Variants in BCL2L13 observed in about 807,000 individuals in gnomAD.
The protein encoded by BCL2L13 is bcl-2-like protein 13.
A neutral mutation model predicts 25.8 loss-of-function variants in BCL2L13; 13 were observed. The observed-to-expected ratio is 0.50, with a 90% CI of 0.33 to 0.80. BCL2L13 has a LOEUF of 0.80. BCL2L13 is among the 30% of genes least tolerant of loss of function. BCL2L13 has a pLI of 0.02. For missense variants in BCL2L13, 504 were observed against 574.9 expected, an observed-to-expected ratio of 0.88 and a Z score of 1.26; for synonymous variants, 244 against 230.3, an observed-to-expected ratio of 1.06 and a Z score of -0.54.
intron 2 of BCL2L13, among the ~76,000 whole-genome samples, chr22:17,670,491 C>G (rs2059382610): frequency 6.6e-6 from 1 of 151,838 alleles, no homozygotes; most frequent in South Asian, 2.1e-4. Context: ...TCTCCTGCCT[C>G]AGCCTCCCAA....
intron 2 of BCL2L13, among the ~76,000 whole-genome samples, chr22:17,662,470 T>C (rs2059104421): frequency 6.6e-6 from 1 of 151,812 alleles, no homozygotes. Context: ...AGAGTGAGAC[T>C]CCATCTCAAA....
intron 6 of BCL2L13, among the ~76,000 whole-genome samples, chr22:17,717,413 G>A (rs1042439842): frequency 7.2e-6 from 1 of 139,538 alleles, no homozygotes; most frequent in African/African-American, 2.8e-5. Context: ...TCCCTCTTCC[G>A]TGAATCTCTC....
intron 1 of BCL2L13, among the ~76,000 whole-genome samples, chr22:17,641,798 GTT>G (rs35688861): frequency 0.018 from 2,416 of 133,684 alleles, 70 homozygotes; most frequent in African/African-American, 0.062. Context: ...CATAATATGT[GTT>G]TTTTTTTTTT....
intron 1 of BCL2L13, among the ~76,000 whole-genome samples, chr22:17,645,446 T>G (rs1204808492): frequency 6.6e-6 from 1 of 150,960 alleles, no homozygotes; most frequent in Non-Finnish European, 1.5e-5. Flanking sequence ...GGTCTCTAAC[T>G]CCTGGCCTCA....
intron 1 of BCL2L13, among the ~76,000 whole-genome samples, 182 bp downstream of exon 1, chr22:17,639,068 T>A (rs1289671443): frequency 6.6e-6 from 1 of 151,864 alleles, no homozygotes; most frequent in Non-Finnish European, 1.5e-5. Flanking sequence ...AGCTTAGGGG[T>A]CCGCTTCACC....
intron 2 of BCL2L13, among the ~76,000 whole-genome samples, chr22:17,669,034 T>C (rs1350343880): frequency 6.4e-5 from 9 of 141,416 alleles, no homozygotes; most frequent in East Asian, 6.3e-4. Flanking sequence ...TTCTTTCTTT[T>C]TTTTTTTTTT....
Position 17,651,354 on chromosome 22 carries a change from C to T in BCL2L13, c.-50-4308C>T, listed in dbSNP as rs1238141949. Among the ~76,000 whole-genome samples the T allele has an allele frequency of 2.8e-5, 4 of 144,872 alleles. No individual in the cohort carries two copies. In the East Asian group the frequency reaches 8.1e-4, roughly 30 times the overall value. ...ATACAGAATACTTAGAATTTTGTAT[C>T]TCCAGCCTAGACCTATTTATTTATT... is the stretch of plus-strand genomic sequence containing the variant. On this transcript the variant is annotated intron_variant, in intron 1 of 6. Transcript: ENST00000317582.
chr22:17,699,182 A>G (rs896258857), intron 5 of BCL2L13, among the ~76,000 whole-genome samples: 8 of 152,338 alleles, frequency 5.3e-5, no homozygotes, highest in Admixed American at 1.3e-4. Flanking sequence ...ATTTTGAAGC[A>G]CACAAATCAA....
At chr22:17,685,462 G>T (rs1251273173) in intron 3 of BCL2L13, among the ~76,000 whole-genome samples, 1 of 151,608 alleles carries the variant, frequency 6.6e-6, no homozygotes, top group Non-Finnish European at 1.5e-5. Flanking sequence ...GACCTCAAAT[G>T]ATCCACCTGT....
chr22:17,701,150 C>T (rs899551561), intron 5 of BCL2L13, among the ~76,000 whole-genome samples: 4 of 151,786 alleles, frequency 2.6e-5, no homozygotes, highest in African/African-American at 4.8e-5. Flanking sequence ...TAATTTTTGA[C>T]GACTTTTAAG....
chr22:17,697,438 CA>C (rs1036003935), intron 5 of BCL2L13, among the ~76,000 whole-genome samples: 1 of 149,528 alleles, frequency 6.7e-6, no homozygotes, highest in South Asian at 2.1e-4. Flanking sequence ...AACTCCGTCT[CA>C]AAAAAAAATA....
upstream of BCL2L13, among the ~76,000 whole-genome samples, chr22:17,633,954 C>T (rs1213173522): frequency 6.6e-6 from 1 of 152,002 alleles, no homozygotes. Context: ...CTCATTACCC[C>T]TCCTCCCTTT....
At chr22:17,694,562 G>C (rs1163460127) in intron 4 of BCL2L13, among the ~76,000 whole-genome samples, 1 of 151,940 alleles carries the variant, frequency 6.6e-6, no homozygotes, top group Non-Finnish European at 1.5e-5. Context: ...ACTGTCACCA[G>C]TGCAAATATT....
intron 4 of BCL2L13, among the ~76,000 whole-genome samples, chr22:17,693,239 A>G (rs1389915086): frequency 6.6e-6 from 1 of 151,514 alleles, no homozygotes; most frequent in Non-Finnish European, 1.5e-5. Flanking sequence ...ATAATAAGCT[A>G]CCAGTAAGTG....
chr22:17,630,215 C>T (rs2057977978), intron 1 of BCL2L13, among the ~76,000 whole-genome samples: 1 of 124,348 alleles, frequency 8.0e-6, no homozygotes, highest in Admixed American at 7.8e-5. Flanking sequence ...GAGACTCCGT[C>T]TCAAAAAAAC....
chr22:17,711,858 C>A (rs553822364), intron 6 of BCL2L13, among the ~76,000 whole-genome samples: 1 of 152,212 alleles, frequency 6.6e-6, no homozygotes, highest in South Asian at 2.1e-4. Flanking sequence ...TTGTAAGGCA[C>A]ATCTTTTGAC....
At chr22:17,639,654 C>T (rs1201042752) in intron 1 of BCL2L13, among the ~76,000 whole-genome samples, 2 of 152,168 alleles carry the variant, frequency 1.3e-5, no homozygotes, top group South Asian at 2.1e-4. Context: ...ATCTCACTGT[C>T]TCTGTTTAGA....
intron 6 of BCL2L13, among the ~76,000 whole-genome samples, chr22:17,722,823 A>C (rs1211802132): frequency 1.3e-5 from 2 of 152,208 alleles, no homozygotes; most frequent in Non-Finnish European, 2.9e-5. Context: ...CCAATCTATG[A>C]GCATGATATA....
At chr22:17,680,841 A>G (rs1304719131) in intron 2 of BCL2L13, among the ~76,000 whole-genome samples, 1 of 152,118 alleles carries the variant, frequency 6.6e-6, no homozygotes, top group Non-Finnish European at 1.5e-5. Context: ...TGAGTGGTAG[A>G]GCTCACTCCC....
Sources: allele counts gnomAD v4.1 joint callset (sites outside exome capture counted in the v4.1 genomes callset), GRCh38; gene constraint gnomAD v4.1.1; transcripts MANE v1.5; gene names NCBI Gene and HGNC (gene_info 2026-07-23, HGNC 2026-07-21).